ST6GALNAC3: variants seen among roughly 807,000 people sequenced by gnomAD.
ST6GALNAC3 encodes alpha-N-acetylgalactosaminide alpha-2,6-sialyltransferase 3.
A neutral mutation model predicts 32.7 loss-of-function variants in ST6GALNAC3; 25 were observed. The ratio of observed to expected loss-of-function variants is 0.76; its 90% CI spans 0.56 to 1.07. The LOEUF (loss-of-function observed/expected upper bound fraction) is 1.07. Ranked by LOEUF, ST6GALNAC3 falls within the 50% of genes least tolerant of loss-of-function variation. The pLI is 0.00. For synonymous variants in ST6GALNAC3, 129 were observed against 133.1 expected, an observed-to-expected ratio of 0.97 and a Z score of 0.21; for missense variants, 355 against 382.4, an observed-to-expected ratio of 0.93 and a Z score of 0.60.
At chr1:76,537,903 T>C (rs539933248) in intron 3 of ST6GALNAC3, among the ~76,000 whole-genome samples, 3 of 151,844 alleles carry the variant, frequency 2.0e-5, no homozygotes, top group African/African-American at 7.2e-5. Flanking sequence ...AAAAAGACCA[T>C]GACCAGATGG....
chr1:76,635,692 C>A (rs930426350), downstream of ST6GALNAC3, among the ~76,000 whole-genome samples: 1 of 152,178 alleles, frequency 6.6e-6, no homozygotes, highest in Non-Finnish European at 1.5e-5. Context: ...CCTCTCCAAC[C>A]AGCTTGTTTC....
chr1:76,172,055 A>G (rs950409018), intron 1 of ST6GALNAC3, among the ~76,000 whole-genome samples: 3 of 151,750 alleles, frequency 2.0e-5, no homozygotes, highest in African/African-American at 7.2e-5. Context: ...CAGGCCAATA[A>G]GCCAAATAAA....
intron 3 of ST6GALNAC3, among the ~76,000 whole-genome samples, chr1:76,533,807 G>A (rs1242029427): frequency 6.6e-6 from 1 of 151,978 alleles, no homozygotes; most frequent in African/African-American, 2.4e-5. Context: ...TTTCATCATT[G>A]GTCTGTGAGG....
chr1:76,089,858 C>G (rs1024294086), intron 1 of ST6GALNAC3, among the ~76,000 whole-genome samples: 2 of 152,004 alleles, frequency 1.3e-5, no homozygotes, highest in Admixed American at 1.3e-4. Flanking sequence ...TGAGCACCTA[C>G]AATGTGGCAG....
chr1:76,127,872 T>C (rs1365264266), intron 1 of ST6GALNAC3, among the ~76,000 whole-genome samples: 1 of 152,152 alleles, frequency 6.6e-6, no homozygotes, highest in Non-Finnish European at 1.5e-5. Context: ...CTCATCACAT[T>C]AGAATAGCAT....
intron 1 of ST6GALNAC3, among the ~76,000 whole-genome samples, chr1:76,306,743 A>G (rs1221904609): frequency 6.6e-6 from 1 of 151,830 alleles, no homozygotes; most frequent in African/African-American, 2.4e-5. Flanking sequence ...TGACTGTATC[A>G]GATGACATGA....
At chr1:76,516,631 C>A (rs1441770154) in intron 3 of ST6GALNAC3, among the ~76,000 whole-genome samples, 2 of 152,204 alleles carry the variant, frequency 1.3e-5, no homozygotes, top group African/African-American at 4.8e-5. Context: ...ACCACATTTT[C>A]AAAAATAGTA....
chr1:76,578,661 G>A (rs986678312), intron 3 of ST6GALNAC3, among the ~76,000 whole-genome samples: 1 of 151,990 alleles, frequency 6.6e-6, no homozygotes, highest in African/African-American at 2.4e-5. Context: ...ATATTTGATA[G>A]TGTAGAATTC....
intron 3 of ST6GALNAC3, among the ~76,000 whole-genome samples, chr1:76,520,423 G>A (rs953836722): frequency 1.3e-5 from 2 of 152,042 alleles, no homozygotes; most frequent in African/African-American, 2.4e-5. Context: ...ATTGAGGTCA[G>A]CTGCTCTGAG....
At chr1:76,085,631 G>A (rs943968816) in intron 1 of ST6GALNAC3, among the ~76,000 whole-genome samples, 43 of 152,186 alleles carry the variant, frequency 2.8e-4, no homozygotes, top group African/African-American at 8.7e-4. Flanking sequence ...GGTTGTACTA[G>A]AGTTTGCTAG....
At chr1:76,310,598 C>G (rs1646743926) in intron 1 of ST6GALNAC3, among the ~76,000 whole-genome samples, 1 of 152,138 alleles carries the variant, frequency 6.6e-6, no homozygotes, top group Non-Finnish European at 1.5e-5. Context: ...GACCCTGGCC[C>G]TGGGAGGATA....
chr1:76,211,262 C>T (rs2100573556), intron 1 of ST6GALNAC3, among the ~76,000 whole-genome samples: 1 of 152,296 alleles, frequency 6.6e-6, no homozygotes, highest in South Asian at 2.1e-4. Context: ...GTTAGAATGG[C>T]AATCATTAAA....
At chr1:76,121,256 T>C (rs952490150) in intron 1 of ST6GALNAC3, among the ~76,000 whole-genome samples, 4 of 152,184 alleles carry the variant, frequency 2.6e-5, no homozygotes, top group Non-Finnish European at 2.9e-5. Flanking sequence ...GGATCACCCG[T>C]TGTTCTTTCA....
chr1:76,406,437 G>A (rs1557860427), intron 2 of ST6GALNAC3, among the ~76,000 whole-genome samples: 3 of 152,044 alleles, frequency 2.0e-5, no homozygotes, highest in Admixed American at 1.3e-4. Context: ...AGCAAATTGA[G>A]TAAGCAGATG....
At chr1:76,223,787 A>AT (rs560552874) in intron 1 of ST6GALNAC3, among the ~76,000 whole-genome samples, 13 of 149,842 alleles carry the variant, frequency 8.7e-5, no homozygotes, top group Middle Eastern at 3.4e-3. Flanking sequence ...TGCCATGATG[A>AT]TTTTTTTTTT....
intron 1 of ST6GALNAC3, among the ~76,000 whole-genome samples, chr1:76,243,113 T>G (rs916119678): frequency 1.5e-4 from 23 of 152,198 alleles, no homozygotes; most frequent in Non-Finnish European, 1.5e-4. Context: ...CTCTCCAGAA[T>G]CTCTTGTTTC....
At chr1:76,227,367 T>A (rs1373235911) in intron 1 of ST6GALNAC3, among the ~76,000 whole-genome samples, 1 of 152,214 alleles carries the variant, frequency 6.6e-6, no homozygotes, top group Non-Finnish European at 1.5e-5. Context: ...TCAATCTTTC[T>A]TGTGGAATTG....
chr1:76,484,555 T>C (rs1223700750), intron 3 of ST6GALNAC3, among the ~76,000 whole-genome samples: 1 of 152,208 alleles, frequency 6.6e-6, no homozygotes. Flanking sequence ...ATGCTTGTGA[T>C]TTTTGCACAT....
At chr1:76,225,448 A>G (rs1031428660) in intron 1 of ST6GALNAC3, among the ~76,000 whole-genome samples, 2 of 152,158 alleles carry the variant, frequency 1.3e-5, no homozygotes, top group Admixed American at 1.3e-4. Flanking sequence ...AATGAAGATG[A>G]GAAACAGAGC....
Sources: allele counts gnomAD v4.1 joint callset (sites outside exome capture counted in the v4.1 genomes callset), GRCh38; gene constraint gnomAD v4.1.1; transcripts MANE v1.5; gene names NCBI Gene and HGNC (gene_info 2026-07-23, HGNC 2026-07-21).